FOXN3: variants seen among roughly 807,000 people sequenced by gnomAD.
The protein encoded by FOXN3 is forkhead box protein N3.
In FOXN3, 7 loss-of-function variants were observed where a neutral mutation model predicts 38.4. That is an observed-to-expected ratio of 0.18 (90% CI 0.10 to 0.34). FOXN3 has a LOEUF of 0.34. FOXN3 is among the 10% of genes least tolerant of loss of function. The pLI is 1.00. For synonymous variants in FOXN3, 230 were observed against 242.2 expected, an observed-to-expected ratio of 0.95 and a Z score of 0.47; for missense variants, 456 against 613.4, an observed-to-expected ratio of 0.74 and a Z score of 2.71.
At chr14:89,393,022 G>T (rs568171318) in intron 2 of FOXN3, among the ~76,000 whole-genome samples, 1 of 152,164 alleles carries the variant, frequency 6.6e-6, no homozygotes, top group South Asian at 2.1e-4. Flanking sequence ...GGCCAGACTG[G>T]TCTCAAACTC....
At chr14:89,610,864 C>T (rs1013586540) in intron 1 of FOXN3, among the ~76,000 whole-genome samples, 4 of 152,144 alleles carry the variant, frequency 2.6e-5, no homozygotes, top group Admixed American at 2.0e-4. Flanking sequence ...TTGGCATTTC[C>T]CTTGATTGAT....
intron 2 of FOXN3, among the ~76,000 whole-genome samples, chr14:89,360,712 G>C (rs116508211): frequency 0.095 from 11,415 of 120,250 alleles, 452 homozygotes; most frequent in South Asian, 0.23. Flanking sequence ...ACCACCTCCA[G>C]CACTACCTCC....
At chr14:89,350,113 T>A (rs1303758496) in intron 3 of FOXN3, among the ~76,000 whole-genome samples, 1 of 152,190 alleles carries the variant, frequency 6.6e-6, no homozygotes, top group Non-Finnish European at 1.5e-5. Context: ...ATGGTACCCA[T>A]GACCTTACTG....
At chr14:89,340,640 C>T (rs1888588294) in intron 3 of FOXN3, among the ~76,000 whole-genome samples, 1 of 152,146 alleles carries the variant, frequency 6.6e-6, no homozygotes, top group South Asian at 2.1e-4. Context: ...ACCAGTTTGG[C>T]TCTTCCATGG....
chr14:89,175,423 G>A (rs1266689632), intron 5 of FOXN3, among the ~76,000 whole-genome samples: 3 of 152,212 alleles, frequency 2.0e-5, no homozygotes, highest in Non-Finnish European at 4.4e-5. Context: ...TTCTCCTAAG[G>A]TTTTGGGGTA....
chr14:89,295,238 T>A (rs1388128031), intron 3 of FOXN3, among the ~76,000 whole-genome samples: 1 of 152,284 alleles, frequency 6.6e-6, no homozygotes, highest in East Asian at 1.9e-4. Context: ...TCAACTCGAA[T>A]CCCAGGTACC....
At chr14:89,270,571 A>G (rs4904528) in intron 4 of FOXN3, among the ~76,000 whole-genome samples, 149,763 of 152,298 alleles carry the variant, frequency 0.98, 73,679 homozygotes, top group Middle Eastern at 1. Context: ...GAGGTCACTC[A>G]GCTGGTGGGT....
At chr14:89,579,691 A>T (rs1895706323) in intron 1 of FOXN3, among the ~76,000 whole-genome samples, 1 of 152,150 alleles carries the variant, frequency 6.6e-6, no homozygotes, top group Non-Finnish European at 1.5e-5. Context: ...GGACCTTGGC[A>T]TGTACAAGGC....
chr14:89,507,134 G>GAAAAAAAAAAAAAAAAAAAA, intron 1 of FOXN3, among the ~76,000 whole-genome samples: 1 of 97,082 alleles, frequency 1.0e-5, no homozygotes, highest in Non-Finnish European at 2.4e-5. Flanking sequence ...AAAAAAAAAA[G>GAAAAAAAAAAAAAAAAAAAA]AAAAAAAAAA....
At chr14:89,187,426 C>T (rs767603026) in intron 4 of FOXN3, among the ~76,000 whole-genome samples, 9 of 152,232 alleles carry the variant, frequency 5.9e-5, no homozygotes, top group Admixed American at 2.6e-4. Flanking sequence ...TATATCCACA[C>T]TGGGACACAG....
At chr14:89,293,921 A>G (rs1886956752) in intron 3 of FOXN3, among the ~76,000 whole-genome samples, 1 of 152,194 alleles carries the variant, frequency 6.6e-6, no homozygotes. Flanking sequence ...TGAGGGAAGT[A>G]AAGTTTATCC....
intron 4 of FOXN3, among the ~76,000 whole-genome samples, chr14:89,239,684 C>A (rs956416646): frequency 2.0e-5 from 3 of 152,170 alleles, no homozygotes; most frequent in Non-Finnish European, 1.5e-5. Context: ...TTAGCCCATG[C>A]CTCTACTGTC....
At chr14:89,381,868 GGA>G (rs564943585) in intron 2 of FOXN3, among the ~76,000 whole-genome samples, 346 of 151,862 alleles carry the variant, frequency 2.3e-3, no homozygotes, top group Non-Finnish European at 4.1e-3. Flanking sequence ...GGAGGGGAAG[GGA>G]AGGGGAAAGG....
intron 2 of FOXN3, among the ~76,000 whole-genome samples, chr14:89,359,080 C>T (rs1889349514): frequency 6.6e-6 from 1 of 152,088 alleles, no homozygotes; most frequent in Non-Finnish European, 1.5e-5. Flanking sequence ...GGCAGAGGAT[C>T]ACCTGAGGAG....
intron 2 of FOXN3, among the ~76,000 whole-genome samples, chr14:89,394,388 G>C (rs1325425792): frequency 1.3e-5 from 2 of 151,820 alleles, no homozygotes; most frequent in African/African-American, 2.4e-5. Flanking sequence ...TGTATTTTTA[G>C]TAGAGATGGG....
intron 2 of FOXN3, among the ~76,000 whole-genome samples, chr14:89,377,564 C>A (rs1890522225): frequency 6.6e-6 from 1 of 152,144 alleles, no homozygotes; most frequent in African/African-American, 2.4e-5. Flanking sequence ...GAGGCAAATA[C>A]AACAACATGT....
chr14:89,270,857 T>C (rs998306449), intron 4 of FOXN3, among the ~76,000 whole-genome samples: 1 of 152,198 alleles, frequency 6.6e-6, no homozygotes, highest in Non-Finnish European at 1.5e-5. Flanking sequence ...GACTCAAGTA[T>C]ACCTGACTTA....
chr14:89,555,529 C>T (rs1048742089), intron 1 of FOXN3, among the ~76,000 whole-genome samples: 14 of 152,110 alleles, frequency 9.2e-5, no homozygotes, highest in African/African-American at 3.1e-4. Context: ...TGCTTAAGAG[C>T]CATGTATATT....
intron 3 of FOXN3, among the ~76,000 whole-genome samples, chr14:89,302,199 T>C (rs1887238960): frequency 6.6e-6 from 1 of 152,242 alleles, no homozygotes; most frequent in South Asian, 2.1e-4. Flanking sequence ...GAAACATCTA[T>C]TCCTCTCCTG....
Sources: allele counts gnomAD v4.1 joint callset (sites outside exome capture counted in the v4.1 genomes callset), GRCh38; gene constraint gnomAD v4.1.1; transcripts MANE v1.5; gene names NCBI Gene and HGNC (gene_info 2026-07-23, HGNC 2026-07-21).